The following CTIF variants were observed in gnomAD, a reference collection of about 807,000 sequenced individuals.
CTIF encodes CBP80/20-dependent translation initiation factor.
A neutral mutation model predicts 66.0 loss-of-function variants in CTIF; 21 were observed. The observed-to-expected ratio is 0.32, with a 90% CI of 0.23 to 0.46. The LOEUF (loss-of-function observed/expected upper bound fraction) is 0.46, where lower values mean the gene tolerates loss of function less well. Among genes scored for constraint, CTIF ranks in the 20% least tolerant of loss-of-function variants. The probability of loss-of-function intolerance (pLI) is 1.00; values close to 1 mark genes in which losing one functional copy is unlikely to be tolerated. For missense variants in CTIF, 739 were observed against 812.7 expected, an observed-to-expected ratio of 0.91 and a Z score of 1.10; for synonymous variants, 345 against 326.4, an observed-to-expected ratio of 1.06 and a Z score of -0.62.
At chr18:48,653,504 T>C (rs1206007716) in intron 3 of CTIF, among the ~76,000 whole-genome samples, 8 of 152,248 alleles carry the variant, frequency 5.3e-5, no homozygotes, top group Non-Finnish European at 8.8e-5. Flanking sequence ...GAACATTCTA[T>C]GCTCATGGAT....
At chr18:48,784,227 T>C (rs1368568620) in intron 9 of CTIF, among the ~76,000 whole-genome samples, 1 of 152,014 alleles carries the variant, frequency 6.6e-6, no homozygotes, top group Non-Finnish European at 1.5e-5. Context: ...GAGAGAGAAC[T>C]CACATGAGGG....
intron 9 of CTIF, among the ~76,000 whole-genome samples, chr18:48,773,986 G>C (rs899035991): frequency 6.6e-6 from 1 of 152,116 alleles, no homozygotes; most frequent in Non-Finnish European, 1.5e-5. Flanking sequence ...AGGGTGGCCA[G>C]GTTCCACCTT....
intron 7 of CTIF, among the ~76,000 whole-genome samples, chr18:48,733,926 T>C (rs2092477192): frequency 6.6e-6 from 1 of 152,324 alleles, no homozygotes; most frequent in South Asian, 2.1e-4. Context: ...CGGAGAATGC[T>C]CGGAGCATTT....
At chr18:48,745,254 G>A (rs576673134) in intron 7 of CTIF, among the ~76,000 whole-genome samples, 1 of 152,296 alleles carries the variant, frequency 6.6e-6, no homozygotes, top group East Asian at 1.9e-4. Context: ...TTGGGTTATA[G>A]GCACTGTAGT....
intron 2 of CTIF, among the ~76,000 whole-genome samples, chr18:48,629,770 T>C (rs1216941526): frequency 6.6e-6 from 1 of 152,220 alleles, no homozygotes; most frequent in South Asian, 2.1e-4. Context: ...TTTTTGGCTG[T>C]GTATTCCTGG....
intron 10 of CTIF, among the ~76,000 whole-genome samples, chr18:48,856,735 T>C (rs1003557463): frequency 2.6e-5 from 4 of 151,996 alleles, no homozygotes; most frequent in African/African-American, 9.7e-5. Context: ...TCGGGGGGAG[T>C]TGCCAGAGGC....
intron 1 of CTIF, among the ~76,000 whole-genome samples, chr18:48,554,256 A>G (rs1045923361): frequency 6.6e-6 from 1 of 152,164 alleles, no homozygotes; most frequent in Non-Finnish European, 1.5e-5. Flanking sequence ...GAAACCAGTG[A>G]CTTGGCCAAG....
chr18:48,761,392 T>A lies in CTIF; in HGVS notation c.1074T>A (p.Asp358Glu). The change falls in exon 9 of 12, where the codon GAT (aspartate) becomes GAA (glutamate). Residue 358 changes from aspartate to glutamate, a missense_variant and splice_region_variant. Physicochemically the swap from Asp to Glu is conservative, Grantham distance 45 (BLOSUM62 2). Coordinates refer to ENST00000256413, the MANE Select transcript of CTIF (RefSeq NM_014772.3). The surrounding 1 kb of genome is among the most constrained non-coding windows in gnomAD (Gnocchi z 4.2). ...DRLRRRLKEK[D>E]EVAVETTTPQ... is the part of the protein sequence containing the mutation. ...TCATTTGTCTCCGACACCCCCAGGA[T>A]GAAGTGGCCGTGGAGACGACCACTC... 1 of 1,612,132 alleles carries A rather than the reference T, an allele frequency of 6.2e-7. No homozygotes were observed. The highest frequency in any genetic ancestry group is 8.5e-7 in the Non-Finnish European group (1 of 1,178,654).
At chr18:48,730,312 CTT>C (rs2092430309) in intron 7 of CTIF, among the ~76,000 whole-genome samples, 1 of 144,746 alleles carries the variant, frequency 6.9e-6, no homozygotes, top group Non-Finnish European at 1.5e-5. Context: ...GTGTGAGGGG[CTT>C]CTGCGGTGTG....
At chr18:48,665,620 T>G (rs2144934716) in intron 5 of CTIF, among the ~76,000 whole-genome samples, 1 of 152,274 alleles carries the variant, frequency 6.6e-6, no homozygotes, top group African/African-American at 2.4e-5. Flanking sequence ...CCATACCCAC[T>G]AGGCAATCAT....
intron 1 of CTIF, among the ~76,000 whole-genome samples, chr18:48,576,114 G>A (rs1057314872): frequency 4.6e-5 from 7 of 152,262 alleles, no homozygotes; most frequent in Non-Finnish European, 8.8e-5. Flanking sequence ...GCACCCAGGT[G>A]TGCCCCCTTG....
At chr18:48,807,034 G>A (rs1292624360) in intron 9 of CTIF, among the ~76,000 whole-genome samples, 1 of 152,170 alleles carries the variant, frequency 6.6e-6, no homozygotes, top group African/African-American at 2.4e-5. Flanking sequence ...GCTGCTTTTG[G>A]ATACAAGAGG....
At chr18:48,848,218 C>G (rs1226033976) in intron 10 of CTIF, among the ~76,000 whole-genome samples, 1 of 152,228 alleles carries the variant, frequency 6.6e-6, no homozygotes, top group Non-Finnish European at 1.5e-5. Context: ...GTTTCCCTCT[C>G]TCCTGCCCTA....
At chr18:48,659,136 T>C (rs901159444) in intron 3 of CTIF, among the ~76,000 whole-genome samples, 35 of 152,214 alleles carry the variant, frequency 2.3e-4, no homozygotes, top group South Asian at 1.0e-3. Flanking sequence ...TATATGCCTG[T>C]CTTGTGCCAT....
intron 3 of CTIF, among the ~76,000 whole-genome samples, chr18:48,653,982 G>A (rs1243541369): frequency 6.6e-6 from 1 of 152,022 alleles, no homozygotes; most frequent in East Asian, 1.9e-4. Flanking sequence ...AATTCAAGAT[G>A]GATTAAAGAC....
rs112287168 is a variant in CTIF at position 48,705,571 on chromosome 18, G to A, written c.508-6048G>A. The stretch of plus-strand genomic sequence containing the variant: ...TGGGGAACACAATTCTACCTCCTGC[G>A]GAGGGTGAGGAGGACTTTACAGATG... On this transcript the variant is annotated intron_variant, in intron 6 of 11. Coordinates refer to ENST00000256413, the MANE Select transcript of CTIF (RefSeq NM_014772.3). Among the ~76,000 whole-genome samples, 810 of 152,334 alleles carry A rather than the reference G, an allele frequency of 5.3e-3. 7 individuals carry two copies. The highest frequency in any genetic ancestry group is 0.019 in the African/African-American group (772 of 41,566).
At chr18:48,784,205 G>A (rs1047951860) in intron 9 of CTIF, among the ~76,000 whole-genome samples, 9 of 152,206 alleles carry the variant, frequency 5.9e-5, no homozygotes, top group African/African-American at 1.2e-4. Context: ...AGACGGCCCC[G>A]AGCATCGAGA....
At chr18:48,617,844 C>G (rs1340025936) in intron 1 of CTIF, among the ~76,000 whole-genome samples, 1 of 129,516 alleles carries the variant, frequency 7.7e-6, no homozygotes, top group African/African-American at 3.0e-5. Flanking sequence ...TGAACAGACC[C>G]ACAGCTCCAA....
At chr18:48,585,804 G>A (rs1413776966) in intron 1 of CTIF, among the ~76,000 whole-genome samples, 1 of 152,186 alleles carries the variant, frequency 6.6e-6, no homozygotes, top group Non-Finnish European at 1.5e-5. Flanking sequence ...AATCGGCTCA[G>A]AGCGTTTCAG....
Sources: allele counts gnomAD v4.1 joint callset (sites outside exome capture counted in the v4.1 genomes callset), GRCh38; gene constraint gnomAD v4.1.1; non-coding constraint Gnocchi (gnomAD v3.1); transcripts MANE v1.5; gene names NCBI Gene and HGNC (gene_info 2026-07-23, HGNC 2026-07-21).